FAM222A: variants seen among roughly 807,000 people sequenced by gnomAD.
FAM222A encodes family with sequence similarity 222 member A, also known as protein FAM222A.
FAM222A carries 7 observed loss-of-function variants against 25.8 expected under a neutral mutation model. The ratio of observed to expected loss-of-function variants is 0.27; its 90% CI spans 0.15 to 0.51. The LOEUF (loss-of-function observed/expected upper bound fraction) is 0.51, where lower values mean the gene tolerates loss of function less well. FAM222A is among the 20% of genes least tolerant of loss of function. The pLI is 0.97. For missense variants in FAM222A, 573 were observed against 640.5 expected, an observed-to-expected ratio of 0.89 and a Z score of 1.14; for synonymous variants, 294 against 298.8, an observed-to-expected ratio of 0.98 and a Z score of 0.17.
chr12:109,723,244 G>A (rs977116376), intron 1 of FAM222A, among the ~76,000 whole-genome samples: 5 of 152,164 alleles, frequency 3.3e-5, no homozygotes, highest in Admixed American at 3.3e-4. Context: ...CAGAAGCGCA[G>A]GCCCTTGAGA....
At chr12:109,723,066 A>G (rs1753572160) in intron 1 of FAM222A, among the ~76,000 whole-genome samples, 2 of 152,018 alleles carry the variant, frequency 1.3e-5, no homozygotes, top group African/African-American at 4.8e-5. Context: ...TAGCGATCTC[A>G]GGATTTCCCA....
chr12:109,725,290 G>A (rs558122191), intron 1 of FAM222A, among the ~76,000 whole-genome samples: 2 of 152,172 alleles, frequency 1.3e-5, no homozygotes, highest in East Asian at 1.9e-4. Flanking sequence ...CAGACCTTGC[G>A]CAGTGAGTGC....
rs11068193 is a variant in FAM222A at position 109,768,028 on chromosome 12, C to T, written c.99C>T (p.Ser33=). 3.4e-3 allele frequency: 5,535 copies of T among 1,613,126 alleles called. 17 individuals are homozygous for T. The highest frequency in any genetic ancestry group is 4.3e-3 in the Non-Finnish European group (5,058 of 1,179,772). Residue 33 remains serine (S), a synonymous_variant, in exon 3 of 3, where the codon AGC becomes AGT. Transcript: ENST00000538780. The stretch of plus-strand genomic sequence containing the variant: ...CTCCCACAGGCGAGGCGGTGGCCAG[C>T]GCCATGCATTCCTCCCGCTACCCGA... The part of the protein sequence containing the change: ...LELRKCEAVA[S]AMHSSRYPSP...
At chr12:109,744,511 G>T (rs1458571663) in intron 2 of FAM222A, 2 of 985,248 alleles carry the variant, frequency 2.0e-6, no homozygotes, top group Non-Finnish European at 2.4e-6. Context: ...CCCCGCCTCT[G>T]CAACTTCACC....
At chr12:109,734,544 C>A (rs1454988342) in intron 1 of FAM222A, 1 of 151,656 alleles carries the variant, frequency 6.6e-6, no homozygotes, top group East Asian at 1.9e-4. Context: ...CAATGAGCGC[C>A]AGTCGCCTGT....
chr12:109,741,885 G>C (rs1332321134), intron 1 of FAM222A, among the ~76,000 whole-genome samples: 2 of 152,198 alleles, frequency 1.3e-5, no homozygotes, highest in Non-Finnish European at 2.9e-5. Flanking sequence ...CAGTGGTGAG[G>C]GGGTAAGTGC....
At chr12:109,753,627 C>T (rs1029712317) in intron 2 of FAM222A, among the ~76,000 whole-genome samples, 2 of 152,064 alleles carry the variant, frequency 1.3e-5, no homozygotes, top group Non-Finnish European at 2.9e-5. Context: ...ACCCATATTG[C>T]TCGTGATAGA....
At chr12:109,748,117 T>C (rs966194217) in intron 2 of FAM222A, among the ~76,000 whole-genome samples, 5 of 152,170 alleles carry the variant, frequency 3.3e-5, no homozygotes, top group African/African-American at 1.2e-4. Flanking sequence ...AAAAGACTTT[T>C]CAGTGTTTAT....
chr12:109,764,921 A>C (rs1030159111), intron 2 of FAM222A, among the ~76,000 whole-genome samples: 1 of 152,168 alleles, frequency 6.6e-6, no homozygotes, highest in African/African-American at 2.4e-5. Context: ...AGTTTATTTT[A>C]GGCCACTTAG....
chr12:109,768,881 G>A lies in FAM222A; in HGVS notation c.952G>A (p.Gly318Ser), dbSNP rs1028505911. 3 of 1,582,856 alleles carry A rather than the reference G, an allele frequency of 1.9e-6. No individual in the cohort carries two copies. Among genetic ancestry groups the A allele is most frequent in the Non-Finnish European group, 1.7e-6 (2 of 1,171,876 alleles). The part of the protein sequence containing the change: ...VASKSPEACG[G>S]RAYERASGSP... ...CAGCAAGTCCCCTGAGGCTTGCGGG[G>A]GCCGGGCATACGAGCGGGCCAGCGG... The change falls in exon 3 of 3, where the codon GGC (glycine) becomes AGC (serine). Residue 318 changes from glycine (G) to serine (S), a missense_variant. Around this residue, in one of 3 missense-constraint regions of FAM222A, gnomAD observed 412 missense variants for 407.0 expected, o/e 1.01. Coordinates refer to ENST00000538780, the MANE Select transcript of FAM222A (RefSeq NM_032829.3).
At chr12:109,715,546 G>A (rs1334044887) in intron 1 of FAM222A, among the ~76,000 whole-genome samples, 1 of 152,190 alleles carries the variant, frequency 6.6e-6, no homozygotes, top group Non-Finnish European at 1.5e-5. Flanking sequence ...ACAAGGGGCG[G>A]GGCTGGATGC....
At chr12:109,741,500 G>A (rs1888239322) in intron 1 of FAM222A, among the ~76,000 whole-genome samples, 2 of 152,176 alleles carry the variant, frequency 1.3e-5, no homozygotes, top group South Asian at 4.1e-4. Flanking sequence ...AGCTGATGGG[G>A]TCCCAGGAGG....
At chr12:109,749,932 T>C (rs759883865) in intron 2 of FAM222A, among the ~76,000 whole-genome samples, 1 of 152,234 alleles carries the variant, frequency 6.6e-6, no homozygotes, top group Non-Finnish European at 1.5e-5. Flanking sequence ...ATTTCAACCT[T>C]TCTGAATTAC....
At chr12:109,732,639 G>C (rs1887974645) in intron 1 of FAM222A, among the ~76,000 whole-genome samples, 1 of 151,912 alleles carries the variant, frequency 6.6e-6, no homozygotes, top group Non-Finnish European at 1.5e-5. Context: ...GGCTGATTTT[G>C]AAAGGACGCC....
rs1313996934 is a variant in FAM222A at position 109,718,760 on chromosome 12, T to G, written c.-47+3863T>G. 2.6e-5 allele frequency among the ~76,000 whole-genome samples: 4 copies of G among 152,350 alleles called. No homozygotes were observed. In the East Asian group the frequency reaches 7.7e-4, roughly 29 times the overall value. ...GTGATTTGCATCCAAGGTAATCACT[T>G]TTATCTCAGAAGGATGTCGACTATA... is the stretch of plus-strand genomic sequence containing the variant. On this transcript the variant is annotated intron_variant, in intron 1 of 2. Transcript: ENST00000538780.
chr12:109,735,383 GC>G (rs765824868), intron 1 of FAM222A, among the ~76,000 whole-genome samples: 6 of 152,202 alleles, frequency 3.9e-5, no homozygotes, highest in Non-Finnish European at 8.8e-5. Context: ...CCCGGTTGTG[GC>G]GTGGGTTACG....
rs549127923 is a variant in FAM222A at position 109,763,449 on chromosome 12, C to T, written c.83-4563C>T. On this transcript the variant is annotated intron_variant, in intron 2 of 2. Coordinates refer to ENST00000538780, the MANE Select transcript of FAM222A (RefSeq NM_032829.3). ...CTGCTCAGGGTCTGTCATGAGGTTG[C>T]AGTCAGGATATTGGCCAGGGCTGCA... Among the ~76,000 whole-genome samples the T allele has an allele frequency of 5.9e-5, 9 of 152,326 alleles. No individual in the cohort carries two copies. In the South Asian group the frequency reaches 1.9e-3, roughly 32 times the overall value.
In FAM222A at chr12:109,713,950, C is replaced by G. The variant is rs1388633933; in HGVS notation, c.-994C>G. ...CCTGTGGGGCGCGGCGCGCGGCACC[C>G]GGGCCTGAGACCAGGCGAGGCGCCG... On this transcript the variant is annotated 5_prime_UTR_variant, in exon 1 of 3. Transcript: ENST00000538780. Among the ~76,000 whole-genome samples the G allele has an allele frequency of 1.1e-4, 16 of 145,866 alleles. No homozygotes were observed. The highest frequency in any genetic ancestry group is 2.1e-4 in the South Asian group (1 of 4,790).
In FAM222A at chr12:109,769,327, C is replaced by T; in HGVS notation, c.*39C>T. ...GACATACGGACATGCGGACAGGGCGCAGAGCCGGGAGGCAGGCCGCAGAAC... is the reference window on the plus strand; with the variant it reads ...GACATACGGACATGCGGACAGGGCGTAGAGCCGGGAGGCAGGCCGCAGAAC... On this transcript the variant is annotated 3_prime_UTR_variant, in exon 3 of 3. Coordinates refer to ENST00000538780, the MANE Select transcript of FAM222A (RefSeq NM_032829.3). 6.5e-7 allele frequency: 1 copy of T among 1,542,196 alleles called. No individual in the cohort carries two copies. The highest frequency in any genetic ancestry group is 8.8e-7 in the Non-Finnish European group (1 of 1,142,362).
Sources: gnomAD v4.1 joint callset for allele counts (sites outside exome capture counted in the v4.1 genomes callset) on GRCh38, gnomAD v4.1.1 for gene constraint, gnomAD v4.1.1 regional missense constraint, MANE v1.5 for transcripts, NCBI Gene and HGNC (gene_info 2026-07-23, HGNC 2026-07-21) for gene names.